CCSER2: variants seen among roughly 807,000 people sequenced by gnomAD.
CCSER2 encodes the protein coiled-coil serine rich protein 2.
A neutral mutation model predicts 92.3 loss-of-function variants in CCSER2; 46 were observed. The observed-to-expected ratio is 0.50, with a 90% CI of 0.39 to 0.64. The LOEUF (loss-of-function observed/expected upper bound fraction) is 0.64, where lower values mean the gene tolerates loss of function less well. CCSER2 is among the 30% of genes least tolerant of loss of function. The pLI, the probability that CCSER2 is intolerant of heterozygous loss-of-function variation, is 0.00. For synonymous variants in CCSER2, 433 were observed against 431.4 expected, an observed-to-expected ratio of 1.00 and a Z score of -0.04; for missense variants, 1,244 against 1,238.9, an observed-to-expected ratio of 1.00 and a Z score of -0.06.
At chr10:84,338,608 G>A (rs148334729) in intron 1 of CCSER2, among the ~76,000 whole-genome samples, 118 of 152,288 alleles carry the variant, frequency 7.7e-4, no homozygotes, top group African/African-American at 2.7e-3. Flanking sequence ...TGCAGTGCTT[G>A]CCTTGTAGTA....
intron 9 of CCSER2, among the ~76,000 whole-genome samples, chr10:84,512,418 A>G (rs1025964778): frequency 2.2e-5 from 3 of 134,534 alleles, no homozygotes; most frequent in African/African-American, 8.1e-5. Context: ...GAGAGAGAGG[A>G]GAGAGATAAT....
chr10:84,385,029 A>C (rs1315027823), intron 3 of CCSER2, among the ~76,000 whole-genome samples: 11 of 151,748 alleles, frequency 7.2e-5, no homozygotes, highest in African/African-American at 2.7e-4. Context: ...ACACACACAC[A>C]CACACCCAGG....
chr10:84,352,186 C>T (rs967574684), intron 1 of CCSER2, among the ~76,000 whole-genome samples: 5 of 152,050 alleles, frequency 3.3e-5, no homozygotes, highest in African/African-American at 1.2e-4. Context: ...CGCCTATAGT[C>T]CCAGGTACTC....
At chr10:84,495,207 C>T (rs1223095459) in intron 9 of CCSER2, among the ~76,000 whole-genome samples, 10 of 146,642 alleles carry the variant, frequency 6.8e-5, no homozygotes, top group Non-Finnish European at 1.3e-4. Context: ...GACTTCCTCT[C>T]TGACTGACCC....
chr10:84,473,664 T>G (rs990689336), intron 8 of CCSER2, among the ~76,000 whole-genome samples: 9 of 152,314 alleles, frequency 5.9e-5, no homozygotes, highest in African/African-American at 1.9e-4. Context: ...TAACAGTATT[T>G]TTCACATTAT....
chr10:84,472,471 C>A (rs778338760), intron 8 of CCSER2, among the ~76,000 whole-genome samples: 1 of 152,088 alleles, frequency 6.6e-6, no homozygotes, highest in Non-Finnish European at 1.5e-5. Context: ...ACTTGGGATG[C>A]TGAGGCAGAA....
At chr10:84,511,766 G>T (rs939419443) in intron 9 of CCSER2, among the ~76,000 whole-genome samples, 1 of 152,082 alleles carries the variant, frequency 6.6e-6, no homozygotes, top group Non-Finnish European at 1.5e-5. Context: ...CTTTGGCACG[G>T]TCATTTTTAT....
chr10:84,466,017 C>T (rs1240503046), intron 7 of CCSER2, among the ~76,000 whole-genome samples: 2 of 152,206 alleles, frequency 1.3e-5, no homozygotes, highest in African/African-American at 4.8e-5. Flanking sequence ...GGATTACAGG[C>T]GTGAGCCACT....
intron 1 of CCSER2, among the ~76,000 whole-genome samples, chr10:84,353,608 A>T (rs181409105): frequency 2.6e-5 from 4 of 152,164 alleles, no homozygotes; most frequent in Non-Finnish European, 5.9e-5. Context: ...GGTTTAGCCA[A>T]TCCTGACTTA....
intron 9 of CCSER2, among the ~76,000 whole-genome samples, chr10:84,511,502 T>C (rs966305088): frequency 1.3e-5 from 2 of 152,208 alleles, no homozygotes; most frequent in Non-Finnish European, 2.9e-5. Flanking sequence ...TTATTGGCAA[T>C]AGACATATTA....
chr10:84,419,424 C>T (rs1461588437), intron 4 of CCSER2, among the ~76,000 whole-genome samples: 1 of 152,010 alleles, frequency 6.6e-6, no homozygotes, highest in Non-Finnish European at 1.5e-5. Context: ...TATCTTCATT[C>T]ACAGAGGACA....
intron 3 of CCSER2, among the ~76,000 whole-genome samples, chr10:84,382,194 G>C (rs1014494812): frequency 6.6e-6 from 1 of 152,134 alleles, no homozygotes; most frequent in Non-Finnish European, 1.5e-5. Flanking sequence ...TGGGCTTGGG[G>C]ACTCCTGACA....
chr10:84,408,250 T>C (rs1351111151), intron 3 of CCSER2, among the ~76,000 whole-genome samples: 2 of 152,182 alleles, frequency 1.3e-5, no homozygotes, highest in Middle Eastern at 3.2e-3. Context: ...CTGCCAGATA[T>C]TTGAATGTAT....
intron 6 of CCSER2, among the ~76,000 whole-genome samples, chr10:84,457,485 A>C (rs1197168125): frequency 8.7e-6 from 1 of 114,816 alleles, no homozygotes; most frequent in Non-Finnish European, 1.6e-5. Flanking sequence ...AAAGACATGG[A>C]CTGGAAGAAA....
chr10:84,343,212 C>T (rs755274797), intron 1 of CCSER2, among the ~76,000 whole-genome samples: 6 of 152,160 alleles, frequency 3.9e-5, no homozygotes, highest in Non-Finnish European at 5.9e-5. Context: ...TCTTTACTGT[C>T]TCTTGTTCAT....
intron 1 of CCSER2, among the ~76,000 whole-genome samples, chr10:84,349,208 G>A (rs1327430597): frequency 6.6e-6 from 1 of 152,130 alleles, no homozygotes; most frequent in African/African-American, 2.4e-5. Context: ...TTCCTGTTTT[G>A]ATCCACATCC....
At chr10:84,333,117 A>G (rs1201728912) in intron 1 of CCSER2, among the ~76,000 whole-genome samples, 1 of 152,206 alleles carries the variant, frequency 6.6e-6, no homozygotes, top group Non-Finnish European at 1.5e-5. Flanking sequence ...TTAAACTAAC[A>G]TTTTTATGAC....
At chr10:84,475,853 G>C (rs1402050467) in intron 8 of CCSER2, among the ~76,000 whole-genome samples, 1 of 152,142 alleles carries the variant, frequency 6.6e-6, no homozygotes, top group African/African-American at 2.4e-5. Context: ...TTATTTTGGA[G>C]TTAGAGTCTC....
chr10:84,491,840 G>C (rs186713186), intron 9 of CCSER2, among the ~76,000 whole-genome samples: 231 of 152,316 alleles, frequency 1.5e-3, no homozygotes, highest in African/African-American at 5.3e-3. Flanking sequence ...CTCACGCTGG[G>C]AGCTGTAGAC....
Sources: allele counts gnomAD v4.1 joint callset (sites outside exome capture counted in the v4.1 genomes callset), GRCh38; gene constraint gnomAD v4.1.1; transcripts MANE v1.5; gene names NCBI Gene and HGNC (gene_info 2026-07-23, HGNC 2026-07-21).